ADK: variants seen among roughly 807,000 people sequenced by gnomAD.
ADK encodes the protein adenosine kinase.
A neutral mutation model predicts 44.7 loss-of-function variants in ADK; 24 were observed. That is an observed-to-expected ratio of 0.54 (90% CI 0.39 to 0.76). ADK has a LOEUF of 0.76. Ranked by LOEUF, ADK falls within the 30% of genes least tolerant of loss-of-function variation. The probability of loss-of-function intolerance (pLI) is 0.00; values close to 1 mark genes in which losing one functional copy is unlikely to be tolerated. For missense variants in ADK, 321 were observed against 425.1 expected (o/e 0.76, Z 2.15); for synonymous variants, 128 against 142.6 (o/e 0.90, Z 0.73).
intron 3 of ADK, among the ~76,000 whole-genome samples, chr10:74,261,583 G>A (rs560567149): frequency 6.6e-6 from 1 of 152,216 alleles, no homozygotes; most frequent in South Asian, 2.1e-4. Context: ...CATACATGTA[G>A]GTCTAAAATG....
At chr10:74,700,378 G>A (rs1856375880) in intron 10 of ADK, among the ~76,000 whole-genome samples, 1 of 152,104 alleles carries the variant, frequency 6.6e-6, no homozygotes, top group African/African-American at 2.4e-5. Flanking sequence ...AAGTGGCTGG[G>A]ATTACAGGCA....
intron 4 of ADK, among the ~76,000 whole-genome samples, chr10:74,353,796 A>T (rs1252926034): frequency 6.6e-6 from 1 of 152,108 alleles, no homozygotes; most frequent in Admixed American, 6.5e-5. Flanking sequence ...TGAACACAGG[A>T]GGTGGAGCTT....
intron 7 of ADK, among the ~76,000 whole-genome samples, chr10:74,556,002 A>G (rs1422933401): frequency 6.6e-6 from 1 of 152,234 alleles, no homozygotes; most frequent in Non-Finnish European, 1.5e-5. Flanking sequence ...CTAAGAAGCA[A>G]ACTGGGATGA....
intron 3 of ADK, among the ~76,000 whole-genome samples, chr10:74,297,340 T>C (rs1839853849): frequency 6.6e-6 from 1 of 152,246 alleles, no homozygotes; most frequent in Admixed American, 6.5e-5. Flanking sequence ...AAATGGAAGA[T>C]ATGGACTGTG....
Position 74,670,218 on chromosome 10 carries a change from G to A in ADK, c.913G>A (p.Asp305Asn). ...EVTAFAVLDQ[D>N]QKEIIDTNGA... Reference sequence around the variant, plus strand: ...CACTGCTTTTGCTGTCTTGGATCAAGACCAGAAAGAAATTATTGATACCAA... The same window carrying A: ...CACTGCTTTTGCTGTCTTGGATCAAAACCAGAAAGAAATTATTGATACCAA... The change falls in exon 10 of 11, where the codon GAC (aspartate) becomes AAC (asparagine). Residue 305 changes from aspartate (D) to asparagine (N), a missense_variant. Coordinates refer to ENST00000539909, the MANE Select transcript of ADK (RefSeq NM_006721.4). The A allele has an allele frequency of 8.7e-6, 14 of 1,613,942 alleles. No homozygotes were observed. The highest frequency in any genetic ancestry group is 1.2e-5 in the Non-Finnish European group (14 of 1,179,898).
chr10:74,502,629 T>TA (rs1224058593), intron 6 of ADK, among the ~76,000 whole-genome samples: 2 of 152,122 alleles, frequency 1.3e-5, no homozygotes, highest in African/African-American at 2.4e-5. Flanking sequence ...ACTCACATTG[T>TA]AAAAAAATTA....
At chr10:74,272,434 C>A (rs997317773) in intron 3 of ADK, among the ~76,000 whole-genome samples, 5 of 151,976 alleles carry the variant, frequency 3.3e-5, no homozygotes, top group African/African-American at 9.7e-5. Flanking sequence ...CACTACCATG[C>A]CGGGTTAACT....
Position 74,302,129 on chromosome 10 carries a change from T to G in ADK, c.195-12538T>G, listed in dbSNP as rs866863495. Among the ~76,000 whole-genome samples, 178 of 72,092 alleles carry G rather than the reference T, an allele frequency of 2.5e-3. 7 individuals are homozygous for G. The highest frequency in any genetic ancestry group is 5.9e-3 in the African/African-American group (142 of 23,886). The allele number at this position is 72,092 out of a possible 152,430, so 47.3% of individuals were successfully genotyped here. On this transcript the variant is annotated intron_variant, in intron 3 of 10. Coordinates refer to ENST00000539909, the MANE Select transcript of ADK (RefSeq NM_006721.4). The stretch of plus-strand genomic sequence containing the variant: ...TGTTTGTTTTTTTTTTTTTTTTTTT[T>G]TTTTTTTTTTTTTTTTTGAGATGGA...
At chr10:74,509,154 A>G (rs1479913085) in intron 6 of ADK, among the ~76,000 whole-genome samples, 1 of 151,976 alleles carries the variant, frequency 6.6e-6, no homozygotes, top group African/African-American at 2.4e-5. Flanking sequence ...TTTAAAAATA[A>G]TTTACAAATA....
chr10:74,385,168 G>C (rs1206704325), intron 4 of ADK, among the ~76,000 whole-genome samples: 1 of 152,162 alleles, frequency 6.6e-6, no homozygotes, highest in African/African-American at 2.4e-5. Flanking sequence ...AAATTGTATG[G>C]TTATATGAAT....
intron 9 of ADK, among the ~76,000 whole-genome samples, chr10:74,660,091 G>C (rs7899674): frequency 0.81 from 123,222 of 152,188 alleles, 50,299 homozygotes; most frequent in African/African-American, 0.9. Context: ...TTACTCCTCA[G>C]AAAAATCCTG....
intron 3 of ADK, among the ~76,000 whole-genome samples, chr10:74,247,827 T>C (rs1022889262): frequency 5.9e-5 from 9 of 151,990 alleles, no homozygotes; most frequent in Admixed American, 5.2e-4. Context: ...TCTTTTTTCC[T>C]TTTTTTCCCC....
intron 3 of ADK, among the ~76,000 whole-genome samples, chr10:74,311,112 CTGTTAA>C (rs2131792816): frequency 6.6e-6 from 1 of 152,248 alleles, no homozygotes; most frequent in South Asian, 2.1e-4. Flanking sequence ...GCGATAACTA[CTGTTAA>C]TACCTTGGTT....
intron 3 of ADK, among the ~76,000 whole-genome samples, chr10:74,240,763 TATAAA>T (rs1289753871): frequency 1.3e-5 from 2 of 152,200 alleles, no homozygotes; most frequent in Admixed American, 1.3e-4. Context: ...CTTGTGGTCT[TATAAA>T]GTATATTTGA....
intron 3 of ADK, among the ~76,000 whole-genome samples, chr10:74,235,519 G>T (rs149254237): frequency 6.6e-6 from 1 of 152,038 alleles, no homozygotes; most frequent in East Asian, 1.9e-4. Flanking sequence ...GCCCAGGCTG[G>T]TCTTGAGCTC....
chr10:74,621,762 T>C (rs1853001673), intron 9 of ADK, among the ~76,000 whole-genome samples: 1 of 152,192 alleles, frequency 6.6e-6, no homozygotes, highest in Non-Finnish European at 1.5e-5. Flanking sequence ...ATGTTAAACA[T>C]TGTCCATAAT....
intron 3 of ADK, among the ~76,000 whole-genome samples, chr10:74,258,093 TATG>T (rs1845894417): frequency 6.6e-6 from 1 of 152,260 alleles, no homozygotes; most frequent in Admixed American, 6.5e-5. Context: ...TAGTGAGAAT[TATG>T]AGCTTTTCCT....
At chr10:74,505,369 A>T (rs1848027968) in intron 6 of ADK, among the ~76,000 whole-genome samples, 1 of 152,122 alleles carries the variant, frequency 6.6e-6, no homozygotes, top group Non-Finnish European at 1.5e-5. Context: ...GGCACTACTT[A>T]TTCTACATCT....
At chr10:74,291,382 A>G (rs1432165008) in intron 3 of ADK, among the ~76,000 whole-genome samples, 1 of 152,162 alleles carries the variant, frequency 6.6e-6, no homozygotes, top group Non-Finnish European at 1.5e-5. Flanking sequence ...GCACCATTGC[A>G]CTCCAGCCTG....
Sources: gnomAD v4.1 joint callset for allele counts (sites outside exome capture counted in the v4.1 genomes callset) on GRCh38, gnomAD v4.1.1 for gene constraint, MANE v1.5 for transcripts, NCBI Gene and HGNC (gene_info 2026-07-23, HGNC 2026-07-21) for gene names.